Variants in NME7 observed in about 807,000 individuals in gnomAD.
NME7 encodes NME/NM23 family member 7, also known as nucleoside diphosphate kinase 7.
In NME7, 41 loss-of-function variants were observed where a neutral mutation model predicts 49.1. The ratio of observed to expected loss-of-function variants is 0.83; its 90% CI spans 0.65 to 1.08. The LOEUF (loss-of-function observed/expected upper bound fraction) is 1.08, where lower values mean the gene tolerates loss of function less well. Ranked by LOEUF, NME7 falls within the 50% of genes least tolerant of loss-of-function variation. NME7 has a pLI of 0.00. For synonymous variants in NME7, 139 were observed against 150.6 expected (o/e 0.92, Z 0.56); for missense variants, 423 against 463.4 (o/e 0.91, Z 0.80).
chr1:169,179,525 A>G (rs1659864692), intron 10 of NME7, among the ~76,000 whole-genome samples: 1 of 152,222 alleles, frequency 6.6e-6, no homozygotes, highest in African/African-American at 2.4e-5. Flanking sequence ...TCATTGCAAC[A>G]CTATTCACAA....
At chr1:169,233,285 C>T (rs76454049) in intron 9 of NME7, among the ~76,000 whole-genome samples, 2,198 of 152,020 alleles carry the variant, frequency 0.014, 47 homozygotes, top group African/African-American at 0.048. Flanking sequence ...AAGAAAAATG[C>T]CTCTCATAGT....
chr1:169,223,219 T>A (rs1233742375), intron 10 of NME7, among the ~76,000 whole-genome samples: 1 of 152,194 alleles, frequency 6.6e-6, no homozygotes, highest in East Asian at 1.9e-4. Context: ...GTTACATTCT[T>A]TTTATTTCAT....
At chr1:169,322,425 C>T (rs1330090649) in intron 3 of NME7, 1 of 152,086 alleles carries the variant, frequency 6.6e-6, no homozygotes, top group Non-Finnish European at 1.5e-5. Flanking sequence ...TTTAGACATA[C>T]CGTACCTCCA....
intron 3 of NME7, among the ~76,000 whole-genome samples, chr1:169,316,140 A>G (rs1249883711): frequency 6.6e-6 from 1 of 152,056 alleles, no homozygotes; most frequent in Admixed American, 6.6e-5. Flanking sequence ...ATTGGTGAAC[A>G]AATGTTTAGG....
At chr1:169,342,837 C>CAT (rs71121766) in intron 1 of NME7, among the ~76,000 whole-genome samples, 1 of 38,154 alleles carries the variant, frequency 2.6e-5, no homozygotes, top group Admixed American at 5.0e-4. Context: ...TATACAAGTA[C>CAT]ATATATATAT....
intron 1 of NME7, among the ~76,000 whole-genome samples, chr1:169,366,849 A>C (rs2101997158): frequency 6.6e-6 from 1 of 152,130 alleles, no homozygotes. Flanking sequence ...AGGATTGCTG[A>C]GTAGTATGAA....
chr1:169,276,203 A>C (rs1649717732), intron 7 of NME7, among the ~76,000 whole-genome samples: 2 of 134,032 alleles, frequency 1.5e-5, no homozygotes, highest in South Asian at 4.6e-4. Context: ...TGGCCTCATA[A>C]AATGAGTTAG....
At chr1:169,297,320 G>A (rs1445278634) in intron 6 of NME7, among the ~76,000 whole-genome samples, 1 of 152,066 alleles carries the variant, frequency 6.6e-6, no homozygotes, top group Non-Finnish European at 1.5e-5. Context: ...CTTTTAAATG[G>A]CAAGTGGAAG....
At chr1:169,285,276 CA>C (rs1232536621) in intron 7 of NME7, 1 of 151,964 alleles carries the variant, frequency 6.6e-6, no homozygotes, top group African/African-American at 2.4e-5. Context: ...TGTCTGTGCT[CA>C]AAAAGTTTTG....
At chr1:169,234,959 C>G (rs1647797203) in intron 9 of NME7, among the ~76,000 whole-genome samples, 172 bp downstream of exon 9, 1 of 152,082 alleles carries the variant, frequency 6.6e-6, no homozygotes, top group Non-Finnish European at 1.5e-5. Flanking sequence ...CCTGATTTCT[C>G]AGAAGGTCAG....
chr1:169,183,811 GAAAAA>G (rs891889001), intron 10 of NME7, among the ~76,000 whole-genome samples: 1 of 141,980 alleles, frequency 7.0e-6, no homozygotes, highest in Non-Finnish European at 1.5e-5. Flanking sequence ...CAGAAAAAAA[GAAAAA>G]AAAAAGAAAA....
intron 7 of NME7, among the ~76,000 whole-genome samples, chr1:169,280,453 T>C (rs1425149602): frequency 6.6e-6 from 1 of 151,700 alleles, no homozygotes; most frequent in Non-Finnish European, 1.5e-5. Context: ...AGAAACTCTT[T>C]AGTTTAATTA....
At chr1:169,155,866 A>G (rs757866721) in intron 11 of NME7, among the ~76,000 whole-genome samples, 8 of 151,804 alleles carry the variant, frequency 5.3e-5, no homozygotes, top group African/African-American at 1.7e-4. Context: ...TGGAGAGTGC[A>G]CAGTGTTTTT....
chr1:169,220,662 A>G (rs1288231479), intron 10 of NME7, among the ~76,000 whole-genome samples: 1 of 152,156 alleles, frequency 6.6e-6, no homozygotes, highest in African/African-American at 2.4e-5. Context: ...TTACTAACAC[A>G]TAACTTTTTT....
intron 6 of NME7, among the ~76,000 whole-genome samples, chr1:169,294,854 C>G (rs1230567213): frequency 2.6e-5 from 4 of 152,102 alleles, no homozygotes; most frequent in African/African-American, 9.7e-5. Context: ...GATGTTTGTT[C>G]CTTCCAAATC....
intron 7 of NME7, among the ~76,000 whole-genome samples, chr1:169,276,348 A>C (rs1558018042): frequency 7.5e-6 from 1 of 133,558 alleles, no homozygotes; most frequent in South Asian, 2.3e-4. Flanking sequence ...GCTATTGATT[A>C]TTGCTACAAT....
intron 5 of NME7, among the ~76,000 whole-genome samples, chr1:169,302,893 T>C (rs528137954): frequency 1.3e-5 from 2 of 152,312 alleles, no homozygotes; most frequent in South Asian, 4.1e-4. Context: ...TTAAAAGTTA[T>C]CCTTCTTGTA....
chr1:169,180,186 A>C (rs907033911), intron 10 of NME7, among the ~76,000 whole-genome samples: 1 of 152,226 alleles, frequency 6.6e-6, no homozygotes, highest in African/African-American at 2.4e-5. Context: ...GAATTAATTA[A>C]GATAATGCCC....
intron 10 of NME7, among the ~76,000 whole-genome samples, chr1:169,229,915 T>C (rs1647527876): frequency 6.6e-6 from 1 of 151,344 alleles, no homozygotes; most frequent in East Asian, 2.0e-4. Flanking sequence ...TGAGCCGAGA[T>C]TGCACCGCTG....
Sources: allele counts gnomAD v4.1 joint callset (sites outside exome capture counted in the v4.1 genomes callset), GRCh38; gene constraint gnomAD v4.1.1; transcripts MANE v1.5; gene names NCBI Gene and HGNC (gene_info 2026-07-23, HGNC 2026-07-21).